Variants in AK7 observed in about 807,000 individuals in gnomAD.
The protein encoded by AK7 is adenylate kinase 7.
A neutral mutation model predicts 96.6 loss-of-function variants in AK7; 78 were observed. That is an observed-to-expected ratio of 0.81 (90% CI 0.67 to 0.97). AK7 has a LOEUF of 0.97. Among genes scored for constraint, AK7 ranks in the 50% least tolerant of loss-of-function variants. AK7 has a pLI of 0.00. For synonymous variants in AK7, 302 were observed against 317.2 expected (o/e 0.95, Z 0.51); for missense variants, 855 against 887.9 (o/e 0.96, Z 0.47).
chr14:96,417,415 C>T (rs1186037894), intron 4 of AK7, among the ~76,000 whole-genome samples: 3 of 152,324 alleles, frequency 2.0e-5, no homozygotes, highest in Non-Finnish European at 2.9e-5. Flanking sequence ...GACCTGTTTA[C>T]GAGGACAGTT....
In AK7 at chr14:96,478,609, ATGAGACTG is replaced by A. The variant is rs1203376595; in HGVS notation, c.1702_1709del (p.Glu568LeufsTer5). On this transcript the variant is annotated frameshift_variant, in exon 15 of 18. Coordinates refer to ENST00000267584, the MANE Select transcript of AK7 (RefSeq NM_152327.5). LOFTEE classifies it high-confidence loss of function. ...AACTACCGGGACATCAATATCGACGATGAGACTGTCTTCAACTATTTTGATGAACTTGA... is the reference window on the plus strand; with the variant it reads ...AACTACCGGGACATCAATATCGACGATCTTCAACTATTTTGATGAACTTGA... 6.2e-7 allele frequency: 1 copy of A among 1,614,202 alleles called. No individual in the cohort carries two copies. Among genetic ancestry groups the A allele is most frequent in the South Asian group, 1.1e-5 (1 of 91,078 alleles).
intron 6 of AK7, among the ~76,000 whole-genome samples, chr14:96,442,148 C>T (rs116856736): frequency 0.01 from 1,589 of 152,290 alleles, 20 homozygotes; most frequent in Non-Finnish European, 0.018. Context: ...TACTGAAATA[C>T]TTAATGAGAA....
intron 5 of AK7, among the ~76,000 whole-genome samples, chr14:96,427,198 T>A (rs1176501489): frequency 2.0e-5 from 3 of 152,088 alleles, no homozygotes; most frequent in Admixed American, 2.0e-4. Flanking sequence ...TGAGCTGAGA[T>A]CACTCCATTG....
intron 5 of AK7, among the ~76,000 whole-genome samples, chr14:96,431,703 C>T (rs1259459151): frequency 6.6e-6 from 1 of 152,058 alleles, no homozygotes; most frequent in Non-Finnish European, 1.5e-5. Context: ...GGAATAAGTG[C>T]AATGTGGTGC....
intron 7 of AK7, among the ~76,000 whole-genome samples, chr14:96,444,635 A>G (rs1320212234): frequency 2.6e-5 from 4 of 152,234 alleles, no homozygotes; most frequent in Non-Finnish European, 5.9e-5. Flanking sequence ...AATAGGCATG[A>G]TAATAAAGCT....
intron 15 of AK7, 56 bp from the exon 16 acceptor site, chr14:96,482,943 A>G: frequency 5.8e-6 from 9 of 1,558,642 alleles, no homozygotes; most frequent in Non-Finnish European, 7.9e-6. Flanking sequence ...AATTTTCCCA[A>G]TTGCAGGCAG....
At chr14:96,452,465 A>G (rs1284186319) in intron 10 of AK7, among the ~76,000 whole-genome samples, 8 of 148,876 alleles carry the variant, frequency 5.4e-5, no homozygotes, top group African/African-American at 2.1e-4. Flanking sequence ...ACCTGAGATT[A>G]CAGGTGTGCA....
At chr14:96,451,348 G>C (rs1440545869) in intron 9 of AK7, 73 bp from the exon 10 acceptor site, 1 of 1,306,718 alleles carries the variant, frequency 7.7e-7, no homozygotes, top group African/African-American at 1.5e-5. Flanking sequence ...AATAACTGTA[G>C]TGATTTTGGT....
chr14:96,441,272 G>T (rs966476524), intron 6 of AK7, among the ~76,000 whole-genome samples: 1 of 152,068 alleles, frequency 6.6e-6, no homozygotes, highest in African/African-American at 2.4e-5. Flanking sequence ...CATTGTCAGG[G>T]TGAAATTCAA....
intron 10 of AK7, among the ~76,000 whole-genome samples, chr14:96,455,154 T>C (rs1364253475): frequency 6.6e-6 from 1 of 150,976 alleles, no homozygotes; most frequent in Non-Finnish European, 1.5e-5. Flanking sequence ...GCAACAAGAG[T>C]GAAACTCTGT....
At chr14:96,424,558 A>C (rs1891914045) in intron 5 of AK7, among the ~76,000 whole-genome samples, 2 of 152,160 alleles carry the variant, frequency 1.3e-5, no homozygotes, top group Admixed American at 1.3e-4. Context: ...ACCAGCGCTA[A>C]GTGAACGCTA....
chr14:96,476,817 C>T (rs561381000), intron 14 of AK7, among the ~76,000 whole-genome samples: 3 of 152,232 alleles, frequency 2.0e-5, no homozygotes, highest in Non-Finnish European at 2.9e-5. Flanking sequence ...CTGGAATCTT[C>T]CACCTCCTGA....
intron 1 of AK7, among the ~76,000 whole-genome samples, chr14:96,396,426 T>C (rs4905487): frequency 2.0e-5 from 3 of 152,240 alleles, no homozygotes; most frequent in African/African-American, 7.2e-5. Flanking sequence ...TTTGCTGGGC[T>C]TCAGTTTCCT....
intron 1 of AK7, among the ~76,000 whole-genome samples, chr14:96,393,486 G>T (rs1382423631): frequency 6.6e-6 from 1 of 152,214 alleles, no homozygotes. Flanking sequence ...GGTTTCTACT[G>T]GAAGCTCCAG....
At chr14:96,459,347 G>GA (rs201265663) in intron 12 of AK7, among the ~76,000 whole-genome samples, 187 of 150,546 alleles carry the variant, frequency 1.2e-3, no homozygotes, top group African/African-American at 4.1e-3. Flanking sequence ...CAAAAAAAAA[G>GA]AAAAAAAAAT....
chr14:96,451,021 G>C (rs375271018), intron 9 of AK7, among the ~76,000 whole-genome samples: 1 of 149,124 alleles, frequency 6.7e-6, no homozygotes, highest in Non-Finnish European at 1.5e-5. Flanking sequence ...TGATCTGCCC[G>C]CCTTGGTCTC....
At chr14:96,393,596 A>G (rs1889881157) in intron 1 of AK7, among the ~76,000 whole-genome samples, 1 of 152,016 alleles carries the variant, frequency 6.6e-6, no homozygotes. Context: ...CCTTCTTCAC[A>G]TGGTGTTCTC....
intron 2 of AK7, among the ~76,000 whole-genome samples, chr14:96,401,823 C>T (rs913032456): frequency 1.3e-5 from 2 of 152,210 alleles, no homozygotes; most frequent in Non-Finnish European, 2.9e-5. Flanking sequence ...TTCATCCTTC[C>T]AGCCCAACTC....
chr14:96,422,951 T>C (rs569468445), intron 5 of AK7, among the ~76,000 whole-genome samples: 1 of 152,348 alleles, frequency 6.6e-6, no homozygotes, highest in East Asian at 1.9e-4. Context: ...TTTATTTTTA[T>C]TCAACTATCA....
Sources: allele counts gnomAD v4.1 joint callset (sites outside exome capture counted in the v4.1 genomes callset), GRCh38; gene constraint gnomAD v4.1.1; transcripts MANE v1.5; gene names NCBI Gene and HGNC (gene_info 2026-07-23, HGNC 2026-07-21).